The following SCLT1 variants were observed in gnomAD, a reference collection of about 807,000 sequenced individuals.
SCLT1 encodes sodium channel-associated protein 1.
SCLT1 carries 78 observed loss-of-function variants against 112.8 expected under a neutral mutation model. That is an observed-to-expected ratio of 0.69 (90% CI 0.58 to 0.83). The LOEUF is 0.83. SCLT1 is among the 40% of genes least tolerant of loss of function. SCLT1 has a pLI of 0.00. For missense variants in SCLT1, 747 were observed against 770.4 expected (o/e 0.97, Z 0.36); for synonymous variants, 257 against 254.7 (o/e 1.01, Z -0.09).
At chr4:128,895,901 G>T (rs1733710547) in intron 18 of SCLT1, among the ~76,000 whole-genome samples, 1 of 152,228 alleles carries the variant, frequency 6.6e-6, no homozygotes, top group African/African-American at 2.4e-5. Flanking sequence ...TCCTCTGCCT[G>T]GCTTGAAGGG....
At chr4:128,994,357 T>C (rs1477290233) in intron 8 of SCLT1, among the ~76,000 whole-genome samples, 1 of 152,176 alleles carries the variant, frequency 6.6e-6, no homozygotes, top group African/African-American at 2.4e-5. Flanking sequence ...AATTTCCTTC[T>C]TTTTAAAGGC....
intron 1 of SCLT1, among the ~76,000 whole-genome samples, chr4:129,085,490 C>T (rs567213674): frequency 1.3e-5 from 2 of 152,202 alleles, no homozygotes; most frequent in Admixed American, 6.5e-5. Flanking sequence ...AAATACCATT[C>T]GACCCTTTAA....
At chr4:128,885,052 G>T (rs953634524) in intron 20 of SCLT1, among the ~76,000 whole-genome samples, 1 of 152,122 alleles carries the variant, frequency 6.6e-6, no homozygotes, top group East Asian at 1.9e-4. Flanking sequence ...AGGGTGATAC[G>T]CTTAGAATTG....
intron 5 of SCLT1, among the ~76,000 whole-genome samples, chr4:129,017,191 T>C (rs1745066284): frequency 6.6e-6 from 1 of 152,072 alleles, no homozygotes; most frequent in Admixed American, 6.5e-5. Context: ...ATGTGTTTTT[T>C]TGTGGGGGGG....
At chr4:129,068,334 A>G (rs1406446082) in intron 2 of SCLT1, among the ~76,000 whole-genome samples, 2 of 152,166 alleles carry the variant, frequency 1.3e-5, no homozygotes, top group Non-Finnish European at 2.9e-5. Flanking sequence ...TTACATTCCT[A>G]CCAGCAGTGT....
intron 20 of SCLT1, 122 bp downstream of exon 20, chr4:128,888,557 T>A (rs564125354): frequency 1.8e-6 from 1 of 556,376 alleles, no homozygotes; most frequent in East Asian, 3.1e-5. Flanking sequence ...ACCTCACATA[T>A]TAAAGGGATT....
At chr4:128,924,173 G>C (rs1159328692) in intron 18 of SCLT1, among the ~76,000 whole-genome samples, 1 of 151,806 alleles carries the variant, frequency 6.6e-6, no homozygotes, top group African/African-American at 2.4e-5. Flanking sequence ...CAAGTACTTT[G>C]TCAGATATAC....
chr4:129,070,446 A>G (rs1750901981), intron 2 of SCLT1, among the ~76,000 whole-genome samples: 1 of 151,798 alleles, frequency 6.6e-6, no homozygotes, highest in Non-Finnish European at 1.5e-5. Flanking sequence ...GCTTGTTATC[A>G]ATCTGTTCAG....
chr4:129,070,013 A>G (rs181566788), intron 2 of SCLT1, among the ~76,000 whole-genome samples: 135 of 152,214 alleles, frequency 8.9e-4, no homozygotes, highest in African/African-American at 3.1e-3. Context: ...TGAGATGATC[A>G]TGTGATTCTT....
At chr4:128,962,083 CATTT>C (rs1739787145) in intron 11 of SCLT1, among the ~76,000 whole-genome samples, 1 of 152,106 alleles carries the variant, frequency 6.6e-6, no homozygotes, top group Non-Finnish European at 1.5e-5. Context: ...GCAGGGAAGT[CATTT>C]ATTTATCATT....
chr4:129,035,190 T>C (rs935583351), intron 5 of SCLT1, among the ~76,000 whole-genome samples: 1 of 152,160 alleles, frequency 6.6e-6, no homozygotes, highest in African/African-American at 2.4e-5. Context: ...TCCTCATGTT[T>C]CTCTTCTTCT....
At chr4:128,886,889 T>C (rs1432775566) in intron 20 of SCLT1, among the ~76,000 whole-genome samples, 1 of 152,164 alleles carries the variant, frequency 6.6e-6, no homozygotes, top group Non-Finnish European at 1.5e-5. Flanking sequence ...AGGTAGTTGA[T>C]TTTCGTAGAC....
intron 1 of SCLT1, among the ~76,000 whole-genome samples, chr4:129,091,986 T>C (rs1752867601): frequency 6.6e-6 from 1 of 152,218 alleles, no homozygotes; most frequent in East Asian, 1.9e-4. Flanking sequence ...TCTCTACCTC[T>C]TTCTCTCAAA....
chr4:128,922,319 A>G, intron 18 of SCLT1, among the ~76,000 whole-genome samples: 1 of 152,212 alleles, frequency 6.6e-6, no homozygotes, highest in East Asian at 1.9e-4. Context: ...CAAGGAATAT[A>G]AATTGTTTTT....
At chr4:129,006,387 A>C (rs1744022756) in intron 5 of SCLT1, among the ~76,000 whole-genome samples, 1 of 151,810 alleles carries the variant, frequency 6.6e-6, no homozygotes. Flanking sequence ...AAAATACAAA[A>C]ATTAGCCGGG....
At chr4:128,924,051 A>C (rs1413874512) in intron 18 of SCLT1, among the ~76,000 whole-genome samples, 1 of 151,650 alleles carries the variant, frequency 6.6e-6, no homozygotes, top group Non-Finnish European at 1.5e-5. Flanking sequence ...ATGTGTTTTC[A>C]TTTCTCTTGG....
intron 2 of SCLT1, among the ~76,000 whole-genome samples, chr4:129,064,975 C>T (rs1487543581): frequency 6.6e-6 from 1 of 152,064 alleles, no homozygotes; most frequent in East Asian, 1.9e-4. Flanking sequence ...CAGTGTTCTA[C>T]ATAAGTCATT....
chr4:129,012,783 TTTC>T (rs950417081), intron 5 of SCLT1, among the ~76,000 whole-genome samples: 2 of 66,540 alleles, frequency 3.0e-5, no homozygotes, highest in Admixed American at 1.7e-4. Context: ...TGTAATGCCA[TTTC>T]TTTTTTTTTT....
intron 20 of SCLT1, among the ~76,000 whole-genome samples, chr4:128,886,445 T>C (rs556351806): frequency 6.6e-6 from 1 of 152,248 alleles, no homozygotes; most frequent in East Asian, 1.9e-4. Context: ...TCAGTTTTTA[T>C]AGGAAAATTA....
Sources: allele counts gnomAD v4.1 joint callset (sites outside exome capture counted in the v4.1 genomes callset), GRCh38; gene constraint gnomAD v4.1.1; transcripts MANE v1.5; gene names NCBI Gene and HGNC (gene_info 2026-07-23, HGNC 2026-07-21).